The following DTNB variants were observed in gnomAD, a reference collection of about 807,000 sequenced individuals.
DTNB encodes dystrobrevin beta, also known as DTN-B.
Under a neutral mutation model 90.7 loss-of-function variants are expected in DTNB, and 63 were observed. That is an observed-to-expected ratio of 0.69 (90% CI 0.57 to 0.86). The LOEUF is 0.86. DTNB is among the 40% of genes least tolerant of loss of function. DTNB has a pLI of 0.00. For missense variants in DTNB, 744 were observed against 807.1 expected, an observed-to-expected ratio of 0.92 and a Z score of 0.95; for synonymous variants, 277 against 286.7, an observed-to-expected ratio of 0.97 and a Z score of 0.34.
chr2:25,450,925 C>T (rs1477594996), intron 12 of DTNB, among the ~76,000 whole-genome samples: 2 of 152,146 alleles, frequency 1.3e-5, no homozygotes, highest in Non-Finnish European at 1.5e-5. Context: ...CCACCTCAGC[C>T]TTCCCAGCAT....
intron 1 of DTNB, among the ~76,000 whole-genome samples, chr2:25,668,107 C>T (rs955853407): frequency 3.3e-5 from 5 of 151,996 alleles, no homozygotes; most frequent in Non-Finnish European, 4.4e-5. Context: ...GGCATGGTGG[C>T]GGACGCCTGT....
chr2:25,450,147 T>C (rs1323856347), intron 12 of DTNB, among the ~76,000 whole-genome samples: 2 of 152,248 alleles, frequency 1.3e-5, no homozygotes, highest in South Asian at 4.1e-4. Flanking sequence ...ATTATTCTCC[T>C]ATACTTTTAG....
At chr2:25,571,471 T>C (rs543875841) in intron 8 of DTNB, among the ~76,000 whole-genome samples, 3 of 152,338 alleles carry the variant, frequency 2.0e-5, no homozygotes, top group Admixed American at 6.5e-5. Flanking sequence ...CCCCTGCTCA[T>C]TGCATTCTGG....
intron 9 of DTNB, among the ~76,000 whole-genome samples, chr2:25,525,470 C>T (rs902398761): frequency 6.6e-6 from 1 of 152,038 alleles, no homozygotes; most frequent in African/African-American, 2.4e-5. Context: ...AACCCCACCT[C>T]TACCAAAAAT....
intron 16 of DTNB, among the ~76,000 whole-genome samples, chr2:25,405,613 T>G (rs1038649954): frequency 6.6e-6 from 1 of 152,142 alleles, no homozygotes; most frequent in South Asian, 2.1e-4. Context: ...TTGTTGTTTT[T>G]TTTTTCAACA....
intron 18 of DTNB, among the ~76,000 whole-genome samples, chr2:25,385,857 C>T (rs2039326323): frequency 6.6e-6 from 1 of 152,198 alleles, no homozygotes. Flanking sequence ...ACCTCTCACC[C>T]TAGCACGATG....
chr2:25,512,811 A>G (rs1302231659), intron 9 of DTNB, among the ~76,000 whole-genome samples: 1 of 152,180 alleles, frequency 6.6e-6, no homozygotes, highest in African/African-American at 2.4e-5. Flanking sequence ...AAAGGGCAAT[A>G]AAGTTTTAAA....
At chr2:25,540,904 C>T (rs918494727) in intron 8 of DTNB, among the ~76,000 whole-genome samples, 23 of 152,124 alleles carry the variant, frequency 1.5e-4, no homozygotes, top group Admixed American at 7.2e-4. Flanking sequence ...ACAAACACTG[C>T]GGAAGGCCTC....
chr2:25,384,264 T>C (rs2038814779), intron 18 of DTNB, among the ~76,000 whole-genome samples: 2 of 152,034 alleles, frequency 1.3e-5, no homozygotes, highest in Non-Finnish European at 2.9e-5. Flanking sequence ...ATACAATATA[T>C]GGTGGGGGAA....
chr2:25,411,669 T>C (rs139604224), intron 16 of DTNB, among the ~76,000 whole-genome samples: 1 of 152,314 alleles, frequency 6.6e-6, no homozygotes, highest in East Asian at 1.9e-4. Context: ...AGGGCCGCAG[T>C]GGTGCCTGAG....
intron 12 of DTNB, among the ~76,000 whole-genome samples, chr2:25,448,547 T>C (rs1200431250): frequency 6.6e-6 from 1 of 152,242 alleles, no homozygotes; most frequent in African/African-American, 2.4e-5. Context: ...AATTGAGATA[T>C]AATACTTAGA....
At chr2:25,523,719 C>T (rs979637328) in intron 9 of DTNB, among the ~76,000 whole-genome samples, 1 of 151,000 alleles carries the variant, frequency 6.6e-6, no homozygotes, top group Non-Finnish European at 1.5e-5. Context: ...TTTCTTAATA[C>T]TTAGTGTTGA....
At chr2:25,435,889 T>C (rs2055582547) in intron 12 of DTNB, among the ~76,000 whole-genome samples, 3 of 152,224 alleles carry the variant, frequency 2.0e-5, no homozygotes, top group Non-Finnish European at 4.4e-5. Flanking sequence ...TGTGAAGTGG[T>C]ATCTCATTGT....
intron 3 of DTNB, among the ~76,000 whole-genome samples, chr2:25,633,336 G>C (rs1036697096): frequency 1.3e-5 from 2 of 152,138 alleles, no homozygotes; most frequent in Non-Finnish European, 2.9e-5. Context: ...ACTGGTTTTC[G>C]TATTTTTTTG....
intron 8 of DTNB, among the ~76,000 whole-genome samples, chr2:25,534,035 G>A (rs1203844450): frequency 6.7e-6 from 1 of 150,008 alleles, no homozygotes; most frequent in African/African-American, 2.5e-5. Flanking sequence ...TCATTCTTGG[G>A]TGTTTCTCAG....
Position 25,427,485 on chromosome 2 carries a change from T to G in DTNB, c.1554+50A>C, listed in dbSNP as rs189786450. 13 of 1,576,740 alleles carry G rather than the reference T, an allele frequency of 8.2e-6. 1 individual carries two copies. The Admixed American group carries it at 1.9e-4, about 23-fold the overall frequency. ...ATCACAGGGAGGCAGCAGCTGAGGC[T>G]GTGGTGGGAGAAGAATGACAAGAAC... On this transcript the variant is annotated intron_variant, in intron 15 of 20. Coordinates refer to ENST00000406818, the MANE Select transcript of DTNB (RefSeq NM_021907.5).
Position 25,575,435 on chromosome 2 carries a change from A to T in DTNB, c.876+1403T>A, listed in dbSNP as rs1370390659. Among the ~76,000 whole-genome samples the T allele has an allele frequency of 2.0e-5, 3 of 152,150 alleles. No homozygotes were observed. In the South Asian group the frequency reaches 6.2e-4, roughly 31 times the overall value. Reference sequence around the variant, plus strand: ...TCTTCACAACCACCACCACCAAAAAAAATGGAATTCACAACACAACAAGAC... The same window carrying T: ...TCTTCACAACCACCACCACCAAAAATAATGGAATTCACAACACAACAAGAC... On this transcript the variant is annotated intron_variant, in intron 8 of 20. Transcript: ENST00000406818.
chr2:25,662,541 C>T (rs2083391690), intron 1 of DTNB, among the ~76,000 whole-genome samples: 1 of 152,152 alleles, frequency 6.6e-6, no homozygotes, highest in South Asian at 2.1e-4. Flanking sequence ...GGAAGCATCA[C>T]CCTGGGGGTC....
intron 8 of DTNB, among the ~76,000 whole-genome samples, chr2:25,554,270 G>A (rs1208997070): frequency 6.6e-6 from 1 of 152,036 alleles, no homozygotes; most frequent in Non-Finnish European, 1.5e-5. Context: ...CACACAACAG[G>A]GAAAAATGTT....
Sources: allele counts gnomAD v4.1 joint callset (sites outside exome capture counted in the v4.1 genomes callset), GRCh38; gene constraint gnomAD v4.1.1; transcripts MANE v1.5; gene names NCBI Gene and HGNC (gene_info 2026-07-23, HGNC 2026-07-21).